Variants in ACOX2 observed in about 807,000 individuals in gnomAD.
ACOX2 encodes the protein acyl-CoA oxidase 2.
Under a neutral mutation model 77.5 loss-of-function variants are expected in ACOX2, and 59 were observed. The observed-to-expected ratio is 0.76, with a 90% CI of 0.62 to 0.95. The LOEUF (loss-of-function observed/expected upper bound fraction) is 0.95. Among genes scored for constraint, ACOX2 ranks in the 40% least tolerant of loss-of-function variants. The pLI is 0.00. For missense variants in ACOX2, 837 were observed against 880.4 expected (o/e 0.95, Z 0.62); for synonymous variants, 317 against 340.1 (o/e 0.93, Z 0.75).
intron 9 of ACOX2, among the ~76,000 whole-genome samples, chr3:58,527,561 G>A (rs931701159): frequency 7.5e-6 from 1 of 133,668 alleles, no homozygotes; most frequent in African/African-American, 3.5e-5. Context: ...GAAAGAAAGA[G>A]GCTGCTTCTA....
At position 58,531,254 on chromosome 3, in the gene ACOX2, T is replaced by C. The variant is rs2063436326; in HGVS notation, c.816A>G (p.Ala272=). The C allele has an allele frequency of 1.9e-6, 3 of 1,612,390 alleles. No individual in the cohort carries two copies. The African/African-American group carries it at 4.0e-5, about 21-fold the overall frequency. The change falls in exon 7 of 15, where the codon GCA becomes GCG. Residue 272 remains alanine, a synonymous_variant. Coordinates refer to ENST00000302819, the MANE Select transcript of ACOX2 (RefSeq NM_003500.4). This position sits in a 1 kb window ranked among gnomAD's most constrained non-coding sequence, Gnocchi z 5.8. ...CCGGCCTCCCCAGATCTGTAACCTGTGCAAAGCGACTCAGCATGTTCTCCC... is the reference window on the plus strand; with the variant it reads ...CCGGCCTCCCCAGATCTGTAACCTGCGCAAAGCGACTCAGCATGTTCTCCC... ...VPRENMLSRF[A]QVLPDGTYVK... is the part of the protein sequence containing the mutation.
Position 58,534,395 on chromosome 3 carries a change from C to T in ACOX2, c.288G>A (p.Trp96Ter). The T allele has an allele frequency of 3.7e-6, 6 of 1,614,228 alleles. No homozygotes were observed. Among genetic ancestry groups the T allele is most frequent in the Non-Finnish European group, 5.1e-6 (6 of 1,180,046 alleles). Residue 96 changes from tryptophan (W) to a stop codon, truncating the protein, a stop_gained, in exon 3 of 15, where the codon TGG (tryptophan) becomes TGA (stop). Transcript: ENST00000302819. LOFTEE classifies it high-confidence loss of function. This position sits in a 1 kb window ranked among gnomAD's most constrained non-coding sequence, Gnocchi z 4.8. ...HIRLIARRLGWLEDGRELGYA... is the reference protein window; with the variant it reads ...HIRLIARRLG ...AGCCTAATTCACGACCATCTTCTAA[C>T]CAACCCAGGCGCCGAGCTATCAACC...
rs371791640 is a variant in ACOX2, at chr3:58,519,029, T to C, written c.1633-1606A>G. Among the ~76,000 whole-genome samples, 68 of 152,314 alleles carry C rather than the reference T, an allele frequency of 4.5e-4. No individual in the cohort carries two copies. The South Asian group carries it at 0.014, about 31-fold the overall frequency. ...GGCAGGGCCTGAGACTGTGCATTTC[T>C]AACAAGGTCCCCTGTGATGCCCATG... On this transcript the variant is annotated intron_variant, in intron 12 of 14. Coordinates refer to ENST00000302819, the MANE Select transcript of ACOX2 (RefSeq NM_003500.4). This position sits in a 1 kb window ranked among gnomAD's most constrained non-coding sequence, Gnocchi z 5.0.
Position 58,508,971 on chromosome 3 carries a change from A to G in ACOX2, c.1905T>C (p.Asn635=), listed in dbSNP as rs1362646606. 1 of 1,614,212 alleles carries G rather than the reference A, an allele frequency of 6.2e-7. No individual in the cohort carries two copies. The highest frequency in any genetic ancestry group is 1.3e-5 in the African/African-American group (1 of 75,066). ...DAFDFTDQCL[N]SALGCYDGNV... is the part of the protein sequence containing the mutation. ...TTCCATCATAACAGCCAAGTGCTGA[A>G]TTTAAACACTGATCGGTGAAGTCAA... Residue 635 remains asparagine (N), a synonymous_variant, in exon 14 of 15, where the codon AAT becomes AAC. Coordinates refer to ENST00000302819, the MANE Select transcript of ACOX2 (RefSeq NM_003500.4).
Position 58,522,450 on chromosome 3 carries a change from G to A in ACOX2, c.1632+46C>T, listed in dbSNP as rs776896510. 1 of 1,585,080 alleles carries A rather than the reference G, an allele frequency of 6.3e-7. No individual in the cohort carries two copies. Among genetic ancestry groups the A allele is most frequent in the South Asian group, 1.1e-5 (1 of 90,224 alleles). On this transcript the variant is annotated intron_variant, in intron 12 of 14. Transcript: ENST00000302819. This position sits in a 1 kb window ranked among gnomAD's most constrained non-coding sequence, Gnocchi z 4.3. ...ATTTTCCCAGCAGGGTAGCCTGCCT[G>A]GGAAGCAAAATGGATCCCTTTCAGC...
rs779475830 is a variant in ACOX2 at position 58,517,345 on chromosome 3, C to CCTG, written c.1708_1710dup (p.Gln570dup). 1 of 1,614,156 alleles carries CCTG rather than the reference C, an allele frequency of 6.2e-7. No individual in the cohort carries two copies. Among genetic ancestry groups the CCTG allele is most frequent in the Non-Finnish European group, 8.5e-7 (1 of 1,180,040 alleles). ...TGGAGGTCACAGAGGCGCTTGAGCA[C>CCTG]CTGCTGAATCGCTGGTTCATTTTCT... is the stretch of plus-strand genomic sequence containing the variant. On this transcript the variant is annotated inframe_insertion, in exon 13 of 15. Coordinates refer to ENST00000302819, the MANE Select transcript of ACOX2 (RefSeq NM_003500.4).
In ACOX2 at chr3:58,535,484, G is replaced by T. The variant is rs2063475238; in HGVS notation, c.-91-287C>A. Among the ~76,000 whole-genome samples the T allele has an allele frequency of 6.6e-6, 1 of 152,200 alleles. No homozygotes were observed. Among genetic ancestry groups the T allele is most frequent in the South Asian group, 2.1e-4 (1 of 4,828 alleles). On this transcript the variant is annotated intron_variant, in intron 1 of 14. Transcript: ENST00000302819. This position sits in a 1 kb window ranked among gnomAD's most constrained non-coding sequence, Gnocchi z 4.8. ...TGCCTAGGGAAATCTTCACAAAAAA[G>T]TCAGTGAAGCTTACACCTGAAGAAA...
chr3:58,509,174 TA>T (rs1351729612), intron 13 of ACOX2, 149 bp from the exon 14 acceptor site: 1 of 954,722 alleles, frequency 1.0e-6, no homozygotes, highest in Non-Finnish European at 1.5e-6. Context: ...TTTTATTTTT[TA>T]ATCAGTTATA....
chr3:58,524,342 T>C lies in ACOX2; in HGVS notation c.1526+84A>G. ...TGGTTTTTAGAACTGAATCCACGAA[T>C]GTCCACCCAACCAATCCAAAGGCCC... On this transcript the variant is annotated intron_variant, in intron 11 of 14. Coordinates refer to ENST00000302819, the MANE Select transcript of ACOX2 (RefSeq NM_003500.4). The surrounding 1 kb of genome is among the most constrained non-coding windows in gnomAD (Gnocchi z 5.5). 1.3e-6 allele frequency: 2 copies of C among 1,516,590 alleles called. No individual in the cohort carries two copies. Among genetic ancestry groups the C allele is most frequent in the Non-Finnish European group, 1.8e-6 (2 of 1,118,998 alleles). 93.9% of individuals were successfully genotyped at this position (1,516,590 alleles called of 1,614,324 possible).
chr3:58,522,664 T>G lies in ACOX2; in HGVS notation c.1527-63A>C. The G allele has an allele frequency of 7.1e-7, 1 of 1,417,380 alleles. No individual in the cohort carries two copies. Among genetic ancestry groups the G allele is most frequent in the Non-Finnish European group, 1.0e-6 (1 of 1,001,604 alleles). 87.8% of individuals were successfully genotyped at this position (1,417,380 alleles called of 1,614,324 possible). A position where few individuals can be genotyped will look rare whatever the true frequency, so the allele number is the denominator to read the frequency against. ...GAGTGGAAAAGACAACTGATGGGCTTCCTGTGGTCCCTCAGAAGTAGAAAT... is the reference window on the plus strand; with the variant it reads ...GAGTGGAAAAGACAACTGATGGGCTGCCTGTGGTCCCTCAGAAGTAGAAAT... On this transcript the variant is annotated intron_variant, in intron 11 of 14. Transcript: ENST00000302819. This position sits in a 1 kb window ranked among gnomAD's most constrained non-coding sequence, Gnocchi z 4.3.
At chr3:58,532,626 C>T (rs1323107062) in intron 5 of ACOX2, among the ~76,000 whole-genome samples, 2 of 152,046 alleles carry the variant, frequency 1.3e-5, no homozygotes, top group Non-Finnish European at 2.9e-5. Context: ...CTCAGGTGAT[C>T]CACTCACCTC....
Position 58,533,412 on chromosome 3 carries a change from A to C in ACOX2, c.583+33T>G. The C allele has an allele frequency of 1.9e-6, 3 of 1,576,416 alleles. No individual in the cohort carries two copies. Among genetic ancestry groups the C allele is most frequent in the Non-Finnish European group, 1.7e-6 (2 of 1,146,956 alleles). On this transcript the variant is annotated intron_variant, in intron 5 of 14. Transcript: ENST00000302819. This position sits in a 1 kb window ranked among gnomAD's most constrained non-coding sequence, Gnocchi z 5.6. ...CCCTCCAACATTCTTCTACTTGGGGAGAGTTAAGGAAGGGGGGTGGATGTA... is the reference window on the plus strand; with the variant it reads ...CCCTCCAACATTCTTCTACTTGGGGCGAGTTAAGGAAGGGGGGTGGATGTA...
In ACOX2 at chr3:58,513,633, G is replaced by GT. The variant is rs149453487; in HGVS notation, c.1850+3572dup. Among the ~76,000 whole-genome samples the GT allele has an allele frequency of 6.2e-3, 883 of 141,958 alleles. 5 individuals are homozygous for GT. Among genetic ancestry groups the GT allele is most frequent in the African/African-American group, 0.017 (656 of 38,936 alleles). The allele number at this position is 141,958 out of a possible 152,430, so 93.1% of individuals were successfully genotyped here. A position where few individuals can be genotyped will look rare whatever the true frequency, so the allele number is the denominator to read the frequency against. ...CGTCTCTTAACTCTGAGATATCACTGTTTTTTTTTTTTAAGTTTTCTTCTC... is the reference window on the plus strand; with the variant it reads ...CGTCTCTTAACTCTGAGATATCACTGTTTTTTTTTTTTTAAGTTTTCTTCTC... On this transcript the variant is annotated intron_variant, in intron 13 of 14. Transcript: ENST00000302819.
intron 12 of ACOX2, 152 bp from the exon 13 acceptor site, chr3:58,517,575 C>T (rs192666608): frequency 1.7e-6 from 1 of 574,342 alleles, no homozygotes; most frequent in African/African-American, 2.1e-5. Flanking sequence ...AGCTCTGGGT[C>T]TGATCAAGGC....
rs202239178 is a variant in ACOX2, at chr3:58,517,471, C to T, written c.1633-48G>A. 59 of 1,570,354 alleles carry T rather than the reference C, an allele frequency of 3.8e-5. No homozygotes were observed. In the South Asian group the frequency reaches 5.9e-4, roughly 16 times the overall value. On this transcript the variant is annotated intron_variant, in intron 12 of 14. Transcript: ENST00000302819. ...TCTCCTGATTTCTGGTTTTCTACTC[C>T]AGAAGTCACCCTGGAAGCATGGCAA... is the stretch of plus-strand genomic sequence containing the variant.
In ACOX2 at chr3:58,531,510, A is replaced by C; in HGVS notation, c.704-144T>G. ...TTGCAGGTGAACAAGCTGAGGTCAG[A>C]AAGATGCTAAATCTTGCTCAAGTTC... On this transcript the variant is annotated intron_variant, in intron 6 of 14. Transcript: ENST00000302819. This position sits in a 1 kb window ranked among gnomAD's most constrained non-coding sequence, Gnocchi z 5.8. 1 of 1,233,310 alleles carries C rather than the reference A, an allele frequency of 8.1e-7. No homozygotes were observed. The highest frequency in any genetic ancestry group is 1.1e-6 in the Non-Finnish European group (1 of 883,390). The allele number at this position is 1,233,310 out of a possible 1,614,324, so 76.4% of individuals were successfully genotyped here.
In ACOX2 at chr3:58,519,250, G is replaced by A. The variant is rs1354092279; in HGVS notation, c.1633-1827C>T. On this transcript the variant is annotated intron_variant, in intron 12 of 14. Transcript: ENST00000302819. This position sits in a 1 kb window ranked among gnomAD's most constrained non-coding sequence, Gnocchi z 5.0. ...AATACAAAAATTAGCCAGGTGTGGT[G>A]GTGCACACCTGTAATTCTGGCTACT... Among the ~76,000 whole-genome samples the A allele has an allele frequency of 6.6e-6, 1 of 152,056 alleles. No homozygotes were observed. The highest frequency in any genetic ancestry group is 1.5e-5 in the Non-Finnish European group (1 of 68,018).
At chr3:58,510,181 A>G (rs1007169624) in intron 13 of ACOX2, among the ~76,000 whole-genome samples, 1 of 152,126 alleles carries the variant, frequency 6.6e-6, no homozygotes, top group Non-Finnish European at 1.5e-5. Flanking sequence ...TCATTAAAGC[A>G]TTGGTGGTAA....
chr3:58,514,208 A>G lies in ACOX2; in HGVS notation c.1850+2998T>C, dbSNP rs1367486959. Among the ~76,000 whole-genome samples, 5 of 152,160 alleles carry G rather than the reference A, an allele frequency of 3.3e-5. No homozygotes were observed. Among genetic ancestry groups the G allele is most frequent in the Non-Finnish European group, 7.4e-5 (5 of 68,024 alleles). On this transcript the variant is annotated intron_variant, in intron 13 of 14. Transcript: ENST00000302819. This position sits in a 1 kb window ranked among gnomAD's most constrained non-coding sequence, Gnocchi z 4.3. Reference sequence around the variant, plus strand: ...GTAATCCCAGCACTTTGGGAGGCTAAGGTAGGAGGATCCCTTGAGCCCAGG... The same window carrying G: ...GTAATCCCAGCACTTTGGGAGGCTAGGGTAGGAGGATCCCTTGAGCCCAGG...
Sources: gnomAD v4.1 joint callset for allele counts (sites outside exome capture counted in the v4.1 genomes callset) on GRCh38, gnomAD v4.1.1 for gene constraint, Gnocchi (gnomAD v3.1) non-coding constraint, MANE v1.5 for transcripts, NCBI Gene and HGNC (gene_info 2026-07-23, HGNC 2026-07-21) for gene names.